Variants in MYH14 observed in about 807,000 individuals in gnomAD.
MYH14 encodes the protein myosin-14.
In MYH14, 123 loss-of-function variants were observed where a neutral mutation model predicts 255.5. The observed-to-expected ratio is 0.48, with a 90% CI of 0.42 to 0.56. The LOEUF (loss-of-function observed/expected upper bound fraction) is 0.56, where lower values mean the gene tolerates loss of function less well. MYH14 is among the 20% of genes least tolerant of loss of function. MYH14 has a pLI of 0.00. For synonymous variants in MYH14, 1,095 were observed against 1,161.2 expected, an observed-to-expected ratio of 0.94 and a Z score of 1.16; for missense variants, 2,423 against 2,802.3, an observed-to-expected ratio of 0.86 and a Z score of 3.06.
chr19:50,261,743 A>T (rs1447759015), intron 21 of MYH14, 108 bp downstream of exon 21: 1 of 1,109,726 alleles, frequency 9.0e-7, no homozygotes, highest in East Asian at 3.1e-5. Context: ...TGCAGGGCTG[A>T]GGAGCAGGTG....
chr19:50,293,422 G>C lies in MYH14; in HGVS notation c.5345+101G>C, dbSNP rs2036154762. The stretch of plus-strand genomic sequence containing the variant: ...GGGCTCTGGGACAGGAAACTGGGAG[G>C]TGGGCGGGGTTAACCTCGGGGCCCC... On this transcript the variant is annotated intron_variant, in intron 38 of 42. Transcript: ENST00000642316. This position sits in a 1 kb window ranked among gnomAD's most constrained non-coding sequence, Gnocchi z 4.1. 6.6e-7 allele frequency: 1 copy of C among 1,515,908 alleles called. No homozygotes were observed. Among genetic ancestry groups the C allele is most frequent in the Non-Finnish European group, 9.0e-7 (1 of 1,113,222 alleles). The allele number at this position is 1,515,908 out of a possible 1,614,324, so 93.9% of individuals were successfully genotyped here.
At chr19:50,218,452 G>T (rs990533902) in intron 3 of MYH14, among the ~76,000 whole-genome samples, 7 of 151,836 alleles carry the variant, frequency 4.6e-5, no homozygotes, top group Non-Finnish European at 7.4e-5. Context: ...AAAAGAATTA[G>T]CCGGGCCTGG....
At chr19:50,254,428 C>T (rs199760415) in intron 16 of MYH14, among the ~76,000 whole-genome samples, 9 of 152,126 alleles carry the variant, frequency 5.9e-5, no homozygotes, top group East Asian at 1.9e-4. Flanking sequence ...GATTATGCTA[C>T]GAGAATCATC....
chr19:50,234,933 T>C (rs1411359881), intron 10 of MYH14, among the ~76,000 whole-genome samples: 3 of 152,182 alleles, frequency 2.0e-5, no homozygotes, highest in Non-Finnish European at 2.9e-5. Context: ...GCTTCTTGTA[T>C]CTCCTTCCAG....
chr19:50,274,735 C>T (rs1484355853), intron 27 of MYH14, among the ~76,000 whole-genome samples: 1 of 152,112 alleles, frequency 6.6e-6, no homozygotes, highest in Admixed American at 6.5e-5. Context: ...TCAAGACCAG[C>T]CTGGGCAATA....
rs751415580 is a variant in MYH14 at position 50,293,716 on chromosome 19, C to G, written c.5469+29C>G. 6.5e-6 allele frequency: 10 copies of G among 1,532,302 alleles called. No homozygotes were observed. The highest frequency in any genetic ancestry group is 8.8e-6 in the Non-Finnish European group (10 of 1,139,330). The allele number at this position is 1,532,302 out of a possible 1,614,324, so 94.9% of individuals were successfully genotyped here. ...AGCGTGATTGACCGCCCCCACCAGC[C>G]TCAGTCCCCATTGACCTGGGACCGT... On this transcript the variant is annotated intron_variant, in intron 39 of 42. Transcript: ENST00000642316. This position sits in a 1 kb window ranked among gnomAD's most constrained non-coding sequence, Gnocchi z 4.1.
At chr19:50,214,257 C>G (rs539482336) in intron 2 of MYH14, among the ~76,000 whole-genome samples, 1 of 152,274 alleles carries the variant, frequency 6.6e-6, no homozygotes, top group Admixed American at 6.5e-5. Flanking sequence ...CTTGCTGGAG[C>G]CACCTGGCCT....
chr19:50,259,313 C>T (rs755682161), intron 19 of MYH14, 48 bp downstream of exon 19: 3 of 1,547,824 alleles, frequency 1.9e-6, no homozygotes, highest in East Asian at 4.9e-5. Context: ...TGGGTGGGAC[C>T]CGGGTCTGGA....
At position 50,221,302 on chromosome 19, in the gene MYH14, G is replaced by A. The variant is rs950628784; in HGVS notation, c.563-1781G>A. ...AACTCAGAGACTGGCCCAAGGTCAC[G>A]CAGCAAGTCAGAGAGGCAGCCGGGC... On this transcript the variant is annotated intron_variant, in intron 3 of 42. Coordinates refer to ENST00000642316, the MANE Select transcript of MYH14 (RefSeq NM_001145809.2). This position sits in a 1 kb window ranked among gnomAD's most constrained non-coding sequence, Gnocchi z 5.3. Among the ~76,000 whole-genome samples, 16 of 152,050 alleles carry A rather than the reference G, an allele frequency of 1.1e-4. No homozygotes were observed. Among genetic ancestry groups the A allele is most frequent in the Non-Finnish European group, 1.2e-4 (8 of 68,018 alleles).
chr19:50,265,337 C>A lies in MYH14; in HGVS notation c.2695-1540C>A, dbSNP rs558916326. 6.0e-5 allele frequency among the ~76,000 whole-genome samples: 9 copies of A among 149,666 alleles called. No homozygotes were observed. The East Asian group carries it at 1.8e-3, about 29-fold the overall frequency. On this transcript the variant is annotated intron_variant, in intron 22 of 42. Transcript: ENST00000642316. The stretch of plus-strand genomic sequence containing the variant: ...GACCAGCCTGGGCAACAAAGTGAGA[C>A]CCTCATCTCTACAAAAAAAAAAAAA...
chr19:50,277,363 T>G (rs2035548085), intron 29 of MYH14, among the ~76,000 whole-genome samples: 1 of 152,046 alleles, frequency 6.6e-6, no homozygotes, highest in African/African-American at 2.4e-5. Context: ...CCTGTAACTT[T>G]GGGAGGCTGA....
At chr19:50,224,032 T>TGCCCCCGCCC in intron 5 of MYH14, 122 bp from the exon 6 acceptor site, 1 of 610,332 alleles carries the variant, frequency 1.6e-6, no homozygotes, top group Non-Finnish European at 3.0e-6. Context: ...ATGCCCGGTT[T>TGCCCCCGCCC]CCCCAGTCCC....
In MYH14 at chr19:50,210,811, C is replaced by T. The variant is rs768092082; in HGVS notation, c.405+41C>T. 3.9e-6 allele frequency: 6 copies of T among 1,528,708 alleles called. No homozygotes were observed. The South Asian group carries it at 7.5e-5, about 19-fold the overall frequency. The allele number at this position is 1,528,708 out of a possible 1,614,324, so 94.7% of individuals were successfully genotyped here. A position where few individuals can be genotyped will look rare whatever the true frequency, so the allele number is the denominator to read the frequency against. On this transcript the variant is annotated intron_variant, in intron 2 of 42. Coordinates refer to ENST00000642316, the MANE Select transcript of MYH14 (RefSeq NM_001145809.2). ...CTGGGGGGCGCGTGCGGCGGAGTTG[C>T]TGCCGGTTGGGGAACCAGGTCCACC... is the stretch of plus-strand genomic sequence containing the variant.
intron 39 of MYH14, among the ~76,000 whole-genome samples, chr19:50,298,977 G>A (rs1295545727): frequency 6.6e-6 from 1 of 152,080 alleles, no homozygotes; most frequent in African/African-American, 2.4e-5. Flanking sequence ...TGTAGTTCCA[G>A]CTAGTCAGGA....
Position 50,280,335 on chromosome 19 carries a change from A to G in MYH14, c.4242A>G (p.Ala1414=). The G allele has an allele frequency of 6.5e-7, 1 of 1,549,346 alleles. No individual in the cohort carries two copies. Among genetic ancestry groups the G allele is most frequent in the African/African-American group, 1.4e-5 (1 of 73,108 alleles). Residue 1414 remains alanine, a synonymous_variant, in exon 32 of 43, where the codon GCA becomes GCG. Coordinates refer to ENST00000642316, the MANE Select transcript of MYH14 (RefSeq NM_001145809.2). This position sits in a 1 kb window ranked among gnomAD's most constrained non-coding sequence, Gnocchi z 4.8. ...TGCGTGAGCAGCTGGAGGAGGAGGC[A>G]GCTGCCAGGGAACGGGCGGGCCGTG... The part of the protein sequence containing the change: ...AGLREQLEEE[A]AARERAGREL...
intron 3 of MYH14, among the ~76,000 whole-genome samples, chr19:50,222,518 T>A (rs540750689): frequency 6.6e-6 from 1 of 151,402 alleles, no homozygotes; most frequent in East Asian, 1.9e-4. Flanking sequence ...TGCTTTATTC[T>A]AGTACTGATT....
chr19:50,260,834 TGCAC>T (rs2034814357), intron 20 of MYH14, 119 bp downstream of exon 20: 13 of 718,790 alleles, frequency 1.8e-5, no homozygotes, highest in Admixed American at 8.7e-5. Flanking sequence ...TGTGTGTGCA[TGCAC>T]GTGTGTGCGT....
intron 33 of MYH14, among the ~76,000 whole-genome samples, chr19:50,282,337 C>T (rs1360403552): frequency 2.0e-5 from 3 of 152,204 alleles, no homozygotes; most frequent in Admixed American, 6.5e-5. Flanking sequence ...GATCCCAATT[C>T]GGCCTCTTGA....
rs368089608 is a variant in MYH14, at chr19:50,249,074, C to T, written c.1417C>T (p.Arg473Cys). The change falls in exon 13 of 43, where the codon CGC (arginine) becomes TGC (cysteine). Residue 473 changes from arginine to cysteine, a missense_variant. Arg to Cys is a radical substitution (Grantham distance 180, BLOSUM62 -3). This residue lies in a region of MYH14 where 672 missense variants were observed against 881.8 expected (regional missense o/e 0.76). Coordinates refer to ENST00000642316, the MANE Select transcript of MYH14 (RefSeq NM_001145809.2). ...TCTGCGCCTCAACCGGGCCTTGGAC[C>T]GCAGCCCCCGCCAAGGCGCCTCCTT... ...LVLRLNRALD[R>C]SPRQGASFLG... 1.6e-5 allele frequency: 25 copies of T among 1,607,084 alleles called. 1 individual carries two copies. The highest frequency in any genetic ancestry group is 5.1e-5 in the Admixed American group (3 of 58,954).
Sources: gnomAD v4.1 joint callset for allele counts (sites outside exome capture counted in the v4.1 genomes callset) on GRCh38, gnomAD v4.1.1 for gene constraint, gnomAD v4.1.1 regional missense constraint, Gnocchi (gnomAD v3.1) non-coding constraint, MANE v1.5 for transcripts, NCBI Gene and HGNC (gene_info 2026-07-23, HGNC 2026-07-21) for gene names.